TXNRD1: variants seen among roughly 807,000 people sequenced by gnomAD.
TXNRD1 encodes the protein thioredoxin reductase 1, cytoplasmic.
A neutral mutation model predicts 80.3 loss-of-function variants in TXNRD1; 57 were observed. That is an observed-to-expected ratio of 0.71 (90% CI 0.57 to 0.89). TXNRD1 has a LOEUF of 0.89. TXNRD1 is among the 40% of genes least tolerant of loss of function. TXNRD1 has a pLI of 0.00. For missense variants in TXNRD1, 730 were observed against 803.0 expected (o/e 0.91, Z 1.10); for synonymous variants, 291 against 285.2 (o/e 1.02, Z -0.20).
chr12:104,291,012 T>C, intron 4 of TXNRD1: 2 of 672,030 alleles, frequency 3.0e-6, no homozygotes, highest in East Asian at 2.8e-5. Context: ...TCTCATTATG[T>C]TGTCCAGGCT....
At chr12:104,238,783 G>A (rs987670572) in intron 1 of TXNRD1, among the ~76,000 whole-genome samples, 4 of 151,806 alleles carry the variant, frequency 2.6e-5, no homozygotes, top group African/African-American at 7.3e-5. Context: ...TGCTGGATTT[G>A]GTTTGTTAAT....
intron 15 of TXNRD1, among the ~76,000 whole-genome samples, chr12:104,336,738 G>C (rs1387592743): frequency 6.6e-6 from 1 of 152,154 alleles, no homozygotes. Context: ...CTGTGTACCA[G>C]GCACTATAGA....
intron 3 of TXNRD1, among the ~76,000 whole-genome samples, chr12:104,269,569 TTTG>T (rs927875116): frequency 4.0e-5 from 6 of 151,642 alleles, no homozygotes; most frequent in South Asian, 4.2e-4. Context: ...CTAGCTAATT[TTTG>T]TTGTTGTTGT....
Position 104,313,317 on chromosome 12 carries a change from G to A in TXNRD1, c.610G>A (p.Gly204Ser). Residue 204 changes from glycine to serine, a missense_variant and splice_region_variant, in exon 6 of 17, where the codon GGT becomes AGT. Transcript: ENST00000525566. The part of the protein sequence containing the change: ...VTPTPLGTRW[G>S]LGGTCVNVGC... ...TCCCACCCCTCTTGGAACTAGATGG[G>A]GTAAGCTTTTAAGATACTCTAGAAG... is the stretch of plus-strand genomic sequence containing the variant. 1.3e-6 allele frequency: 2 copies of A among 1,580,546 alleles called. No homozygotes were observed. Among genetic ancestry groups the A allele is most frequent in the African/African-American group, 1.3e-5 (1 of 74,402 alleles).
intron 1 of TXNRD1, among the ~76,000 whole-genome samples, chr12:104,243,463 G>C (rs2032918213): frequency 6.6e-6 from 1 of 152,044 alleles, no homozygotes; most frequent in South Asian, 2.1e-4. Flanking sequence ...TACTTGATGG[G>C]GTCTTGTCAG....
At chr12:104,299,691 C>CG (rs1189811299) in intron 4 of TXNRD1, among the ~76,000 whole-genome samples, 2 of 144,472 alleles carry the variant, frequency 1.4e-5, no homozygotes, top group African/African-American at 5.1e-5. Context: ...CACTTGAGTC[C>CG]GGGGGGTGTA....
chr12:104,235,345 G>C (rs1020792736), intron 1 of TXNRD1, among the ~76,000 whole-genome samples: 1 of 152,094 alleles, frequency 6.6e-6, no homozygotes, highest in African/African-American at 2.4e-5. Context: ...TTACAGATTG[G>C]GAACGGATGT....
chr12:104,305,039 G>GT (rs753516277), intron 4 of TXNRD1: 153 of 1,195,268 alleles, frequency 1.3e-4, no homozygotes, highest in Non-Finnish European at 1.7e-4. Flanking sequence ...AAGTGAAAAA[G>GT]TATTTTCAAG....
intron 14 of TXNRD1, chr12:104,334,010 T>C: frequency 3.5e-6 from 1 of 288,026 alleles, no homozygotes; most frequent in East Asian, 5.4e-5. Context: ...GTGTACTATT[T>C]TGAGGTAGAG....
intron 3 of TXNRD1, among the ~76,000 whole-genome samples, chr12:104,277,323 C>A (rs1393738070): frequency 6.6e-6 from 1 of 151,264 alleles, no homozygotes; most frequent in East Asian, 1.9e-4. Flanking sequence ...TGACATGAAC[C>A]CGGGAGGCGG....
intron 1 of TXNRD1, among the ~76,000 whole-genome samples, chr12:104,224,312 T>A (rs964723616): frequency 6.6e-6 from 1 of 152,292 alleles, no homozygotes; most frequent in Admixed American, 6.5e-5. Flanking sequence ...CTCTTCTCAT[T>A]TTTTTTGTAG....
chr12:104,341,069 T>C (rs1331085574), intron 16 of TXNRD1, among the ~76,000 whole-genome samples: 1 of 152,162 alleles, frequency 6.6e-6, no homozygotes, highest in Non-Finnish European at 1.5e-5. Flanking sequence ...GCAGCGTACA[T>C]GGCAGCATCT....
Position 104,331,649 on chromosome 12 carries a change from C to G in TXNRD1, c.1650+8C>G. The G allele has an allele frequency of 6.5e-7, 1 of 1,543,700 alleles. No individual in the cohort carries two copies. Among genetic ancestry groups the G allele is most frequent in the Non-Finnish European group, 8.9e-7 (1 of 1,119,854 alleles). On this transcript the variant is annotated splice_region_variant and intron_variant, in intron 14 of 16. Transcript: ENST00000525566. Reference sequence around the variant, plus strand: ...GGGGAAGAAAATATTGAGGTAAGTTCTTTTCCTCTTTTCTCCTATGTTATA... The same window carrying G: ...GGGGAAGAAAATATTGAGGTAAGTTGTTTTCCTCTTTTCTCCTATGTTATA...
At position 104,329,600 on chromosome 12, in the gene TXNRD1, G is replaced by C. The variant is rs1010789422; in HGVS notation, c.1542+1929G>C. On this transcript the variant is annotated intron_variant, in intron 13 of 16. Transcript: ENST00000525566. The stretch of plus-strand genomic sequence containing the variant: ...GGAGGTGAAGGCTGCAGTGAGCTGT[G>C]ATCACACACTGCAGTCCAGCCTGGG... 2.0e-5 allele frequency among the ~76,000 whole-genome samples: 3 copies of C among 151,536 alleles called. No individual in the cohort carries two copies. The East Asian group carries it at 5.8e-4, about 29-fold the overall frequency.
intron 2 of TXNRD1, among the ~76,000 whole-genome samples, chr12:104,252,691 T>TATATATATATATATATA (rs34752671): frequency 1.6e-4 from 5 of 31,480 alleles, no homozygotes; most frequent in Non-Finnish European, 2.1e-4. Context: ...TATATATATA[T>TATATATATATATATATA]TTTTTTTTTT....
At chr12:104,289,463 C>T (rs1437928949) in intron 4 of TXNRD1, 1 of 157,832 alleles carries the variant, frequency 6.3e-6, no homozygotes, top group African/African-American at 2.4e-5. Flanking sequence ...TTAATTCTCT[C>T]AGGGGTAGGG....
At chr12:104,273,161 A>G (rs1346045108) in intron 3 of TXNRD1, among the ~76,000 whole-genome samples, 1 of 152,204 alleles carries the variant, frequency 6.6e-6, no homozygotes, top group Non-Finnish European at 1.5e-5. Context: ...AAGGCCTGCA[A>G]CTGCTTCCAC....
chr12:104,287,407 G>A (rs776291907), intron 3 of TXNRD1: 1 of 1,613,988 alleles, frequency 6.2e-7, no homozygotes, highest in Non-Finnish European at 8.5e-7. Context: ...TGTAGAGACA[G>A]TTTGCAGAAC....
intron 16 of TXNRD1, among the ~76,000 whole-genome samples, chr12:104,344,253 T>A (rs2036420288): frequency 6.6e-6 from 1 of 152,174 alleles, no homozygotes; most frequent in African/African-American, 2.4e-5. Flanking sequence ...TAGATGTGGC[T>A]GTGGCTTGGG....
Sources: allele counts gnomAD v4.1 joint callset (sites outside exome capture counted in the v4.1 genomes callset), GRCh38; gene constraint gnomAD v4.1.1; transcripts MANE v1.5; gene names NCBI Gene and HGNC (gene_info 2026-07-23, HGNC 2026-07-21).